Variants in SMR3B observed in about 807,000 individuals in gnomAD.
The protein encoded by SMR3B is submaxillary gland androgen regulated protein 3B.
For missense variants in SMR3B, 114 were observed against 99.9 expected, an observed-to-expected ratio of 1.14 and a Z score of -0.60; for synonymous variants, 42 against 36.1, an observed-to-expected ratio of 1.16 and a Z score of -0.59.
At position 70,383,912 on chromosome 4, in the gene SMR3B, T is replaced by C. The variant is rs368789231; in HGVS notation, c.-14-585T>C. On this transcript the variant is annotated intron_variant, in intron 1 of 2. Coordinates refer to ENST00000304915, the MANE Select transcript of SMR3B (RefSeq NM_006685.4). ...GATATATGGATTTTTGGAAGCACTT[T>C]GAGACCACTCATCACAGCCTAAATT... is the stretch of plus-strand genomic sequence containing the variant. Among the ~76,000 whole-genome samples, 72 of 152,306 alleles carry C rather than the reference T, an allele frequency of 4.7e-4. 3 individuals carry two copies. The South Asian group carries it at 0.014, about 30-fold the overall frequency.
rs1732622080 is a variant in SMR3B at position 70,384,540 on chromosome 4, T to C, written c.30T>C (p.Leu10=). The C allele has an allele frequency of 1.2e-6, 2 of 1,610,952 alleles. No homozygotes were observed. The highest frequency in any genetic ancestry group is 8.5e-7 in the Non-Finnish European group (1 of 1,178,158). Residue 10 remains leucine, a synonymous_variant, in exon 2 of 3, where the codon CTT becomes CTC. Coordinates refer to ENST00000304915, the MANE Select transcript of SMR3B (RefSeq NM_006685.4). ...AATCACTGACTTGGATCTTGGGCCT[T>C]TGGGCTCTTGCAGCGTGTTTCACAG... The part of the protein sequence containing the change: MKSLTWILG[L]WALAACFTPG...
intron 2 of SMR3B, among the ~76,000 whole-genome samples, chr4:70,388,549 T>A (rs868452582): frequency 2.0e-4 from 30 of 152,310 alleles, no homozygotes; most frequent in Middle Eastern, 3.4e-3. Flanking sequence ...TTTATTAACG[T>A]CATTTTTCTG....
At chr4:70,387,832 T>C (rs1732691590) in intron 2 of SMR3B, among the ~76,000 whole-genome samples, 1 of 152,102 alleles carries the variant, frequency 6.6e-6, no homozygotes, top group African/African-American at 2.4e-5. Flanking sequence ...CAAAAAAGGA[T>C]TTCAGGCAGC....
At chr4:70,387,058 G>T (rs146441133) in intron 2 of SMR3B, among the ~76,000 whole-genome samples, 174 of 152,282 alleles carry the variant, frequency 1.1e-3, no homozygotes, top group African/African-American at 3.9e-3. Context: ...AGGTTGAAGA[G>T]CAAATGGGAA....
At chr4:70,385,953 T>A (rs936820856) in intron 2 of SMR3B, among the ~76,000 whole-genome samples, 1 of 151,808 alleles carries the variant, frequency 6.6e-6, no homozygotes, top group African/African-American at 2.4e-5. Context: ...TTATATAAAT[T>A]TTTTTTTATA....
chr4:70,386,627 T>G lies in SMR3B; in HGVS notation c.54+2063T>G, dbSNP rs148440814. Among the ~76,000 whole-genome samples the G allele has an allele frequency of 3.6e-3, 546 of 152,314 alleles. 1 individual carries two copies. The highest frequency in any genetic ancestry group is 0.012 in the African/African-American group (509 of 41,564). On this transcript the variant is annotated intron_variant, in intron 2 of 2. Coordinates refer to ENST00000304915, the MANE Select transcript of SMR3B (RefSeq NM_006685.4). ...TCTTCTTAAAATAGTATTTTCATCA[T>G]TTTTCTGAGTTCGTTACCTTTAGCC...
At position 70,389,761 on chromosome 4, in the gene SMR3B, T is replaced by TC. The variant is rs552496642; in HGVS notation, c.155dup (p.Pro53ThrfsTer35). On this transcript the variant is annotated frameshift_variant, in exon 3 of 3. Coordinates refer to ENST00000304915, the MANE Select transcript of SMR3B (RefSeq NM_006685.4). LOFTEE classifies it low-confidence loss of function (END_TRUNC). ...CAGGATTTGTTCCACCACCTCCTCC[T>TC]CCACCCTATGGTCCAGGGAGAATCC... 4,917 of 1,613,996 alleles carry TC rather than the reference T, an allele frequency of 3.0e-3. 18 individuals carry two copies. The highest frequency in any genetic ancestry group is 2.8e-3 in the Non-Finnish European group (3,356 of 1,179,984).
At chr4:70,385,313 G>T (rs1265596376) in intron 2 of SMR3B, among the ~76,000 whole-genome samples, 1 of 149,590 alleles carries the variant, frequency 6.7e-6, no homozygotes, top group African/African-American at 2.5e-5. Flanking sequence ...GTTTTTTTTA[G>T]ATTATGACTT....
In SMR3B at chr4:70,389,694, C is replaced by A. The variant is rs771163130; in HGVS notation, c.86C>A (p.Pro29Gln). 2 of 1,614,070 alleles carry A rather than the reference C, an allele frequency of 1.2e-6. No individual in the cohort carries two copies. The highest frequency in any genetic ancestry group is 2.2e-5 in the East Asian group (1 of 44,876). ...PGESQRGPRG[P>Q]YPPGPLAPPQ... ...GAGAGTCAAAGAGGCCCCAGGGGAC[C>A]ATATCCACCTGGACCGCTGGCTCCT... The change falls in exon 3 of 3, where the codon CCA becomes CAA. Residue 29 changes from proline to glutamine, a missense_variant. By Grantham distance (76) the Pro-to-Gln change is moderately conservative. Coordinates refer to ENST00000304915, the MANE Select transcript of SMR3B (RefSeq NM_006685.4).
chr4:70,384,102 C>G (rs908067086), intron 1 of SMR3B, among the ~76,000 whole-genome samples: 10 of 151,760 alleles, frequency 6.6e-5, no homozygotes, highest in African/African-American at 2.4e-4. Context: ...TCAAACCCAT[C>G]CATAGAAATC....
chr4:70,387,917 A>C (rs1732692863), intron 2 of SMR3B, among the ~76,000 whole-genome samples: 1 of 152,202 alleles, frequency 6.6e-6, no homozygotes, highest in African/African-American at 2.4e-5. Context: ...TGGAATTAGG[A>C]ATCCAGGACA....
chr4:70,387,590 T>C (rs1305349561), intron 2 of SMR3B, among the ~76,000 whole-genome samples: 2 of 152,084 alleles, frequency 1.3e-5, no homozygotes, highest in African/African-American at 4.8e-5. Flanking sequence ...AAGACACTTG[T>C]AAAGAAACAG....
At chr4:70,385,122 C>T (rs1481708402) in intron 2 of SMR3B, 1 of 152,078 alleles carries the variant, frequency 6.6e-6, no homozygotes, top group Non-Finnish European at 1.5e-5. Flanking sequence ...AAATGAGATA[C>T]TAAATATCAT....
At chr4:70,388,760 C>T (rs907410489) in intron 2 of SMR3B, among the ~76,000 whole-genome samples, 1 of 152,160 alleles carries the variant, frequency 6.6e-6, no homozygotes, top group Non-Finnish European at 1.5e-5. Context: ...TGGATCCCCA[C>T]CACAGCTCCT....
intron 2 of SMR3B, among the ~76,000 whole-genome samples, chr4:70,386,370 C>G (rs1243129331): frequency 6.6e-6 from 1 of 151,388 alleles, no homozygotes; most frequent in Admixed American, 6.6e-5. Flanking sequence ...ATATGAGATT[C>G]ATGATGATTA....
chr4:70,388,130 G>A (rs1732696161), intron 2 of SMR3B, among the ~76,000 whole-genome samples: 1 of 152,000 alleles, frequency 6.6e-6, no homozygotes, highest in South Asian at 2.1e-4. Context: ...CATTCTGTTT[G>A]GCATGTTCTC....
intron 2 of SMR3B, among the ~76,000 whole-genome samples, chr4:70,386,694 A>G (rs868614995): frequency 1.3e-5 from 2 of 152,216 alleles, no homozygotes; most frequent in African/African-American, 4.8e-5. Context: ...GGGTATACTT[A>G]CTATGAAGAT....
chr4:70,388,443 C>T (rs4694054), intron 2 of SMR3B, among the ~76,000 whole-genome samples: 106,551 of 152,044 alleles, frequency 0.7, 37,657 homozygotes, highest in African/African-American at 0.77. Flanking sequence ...AAATTGTGCT[C>T]TATGTAAACC....
At chr4:70,385,951 A>C (rs543295243) in intron 2 of SMR3B, among the ~76,000 whole-genome samples, 1 of 151,940 alleles carries the variant, frequency 6.6e-6, no homozygotes, top group African/African-American at 2.4e-5. Flanking sequence ...TATTATATAA[A>C]TTTTTTTTTA....
Sources: gnomAD v4.1 joint callset for allele counts (sites outside exome capture counted in the v4.1 genomes callset) on GRCh38, gnomAD v4.1.1 for gene constraint, MANE v1.5 for transcripts, NCBI Gene and HGNC (gene_info 2026-07-23, HGNC 2026-07-21) for gene names.